Variants in OR1C1 observed in about 807,000 individuals in gnomAD.
The protein encoded by OR1C1 is olfactory receptor family 1 subfamily C member 1.
For synonymous variants in OR1C1, 153 were observed against 154.6 expected (o/e 0.99, Z 0.08); for missense variants, 407 against 384.3 (o/e 1.06, Z -0.49).
rs377589724 is a variant in OR1C1, at chr1:247,757,618, T to C, written c.789A>G (p.Ser263=). The C allele has an allele frequency of 1.1e-5, 18 of 1,613,870 alleles. No individual in the cohort carries two copies. Among genetic ancestry groups the C allele is most frequent in the Non-Finnish European group, 1.5e-5 (18 of 1,180,004 alleles). ...GTAIAVYFSP[S]SPHMPESDTL... ...TGTCGCTCTCAGGCATATGGGGGGA[T>C]GAAGGGCTGAAATAGACGGCGATGG... is the stretch of plus-strand genomic sequence containing the variant. The change falls in exon 2 of 2, where the codon TCA becomes TCG. Residue 263 remains serine (S), a synonymous_variant. Transcript: ENST00000641256.
chr1:247,758,059 A>G lies in OR1C1; in HGVS notation c.348T>C (p.Cys116=). 6.2e-7 allele frequency: 1 copy of G among 1,614,128 alleles called. No homozygotes were observed. Among genetic ancestry groups the G allele is most frequent in the Non-Finnish European group, 8.5e-7 (1 of 1,180,016 alleles). Residue 116 remains cysteine, a synonymous_variant, in exon 2 of 2, where the codon TGT becomes TGC. Coordinates refer to ENST00000641256, the MANE Select transcript of OR1C1 (RefSeq NM_012353.3). ...CCACATATCTATCATACGCCATCAC[A>G]CACAGAAGGAGGCTGTCCATATTCA... ...SFVNMDSLLL[C]VMAYDRYVAI...
chr1:247,760,357 T>C (rs1661309404), intron 1 of OR1C1, 55 bp downstream of exon 1: 1 of 152,116 alleles, frequency 6.6e-6, no homozygotes, highest in African/African-American at 2.4e-5. Context: ...ACTCAAAGGA[T>C]TATACATTAG....
At position 247,757,868 on chromosome 1, in the gene OR1C1, T is replaced by G; in HGVS notation, c.539A>C (p.Asp180Ala). The G allele has an allele frequency of 6.2e-7, 1 of 1,613,722 alleles. No individual in the cohort carries two copies. The highest frequency in any genetic ancestry group is 1.1e-5 in the South Asian group (1 of 91,048). Residue 180 changes from aspartate (D) to alanine (A), a missense_variant, in exon 2 of 2, where the codon GAT (aspartate) becomes GCT (alanine). Transcript: ENST00000641256. ...ASNIIHHFFC[D>A]LNPLLQLSCS... is the part of the protein sequence containing the mutation. ...AGAGAGCTGCAGGAGAGGATTGAGATCACAGAAGAAATGATGGATGATATT... is the reference window on the plus strand; with the variant it reads ...AGAGAGCTGCAGGAGAGGATTGAGAGCACAGAAGAAATGATGGATGATATT...
intron 1 of OR1C1, among the ~76,000 whole-genome samples, chr1:247,759,813 C>G (rs1661297510): frequency 6.6e-6 from 1 of 152,122 alleles, no homozygotes; most frequent in African/African-American, 2.4e-5. Flanking sequence ...TTCCATGCAC[C>G]CCCTTTTACC....
intron 1 of OR1C1, 97 bp from the exon 2 acceptor site, chr1:247,758,516 G>GCA: frequency 3.0e-6 from 2 of 670,386 alleles, no homozygotes; most frequent in Admixed American, 5.5e-5. Flanking sequence ...GTGTGTGTGT[G>GCA]TGCATGCGTG....
Position 247,757,253 on chromosome 1 carries a change from A to C in OR1C1, c.*209T>G. 1.9e-6 allele frequency: 1 copy of C among 529,560 alleles called. No individual in the cohort carries two copies. Among genetic ancestry groups the C allele is most frequent in the African/African-American group, 1.9e-5 (1 of 52,956 alleles). 32.8% of individuals were successfully genotyped at this position (529,560 alleles called of 1,614,324 possible). ...ATGCAGACTATTTAACTTCCCTAAG[A>C]TTCACTTTCTGTATAAAGAATGCTA... On this transcript the variant is annotated 3_prime_UTR_variant, in exon 2 of 2. Coordinates refer to ENST00000641256, the MANE Select transcript of OR1C1 (RefSeq NM_012353.3).
rs752852721 is a variant in OR1C1, at chr1:247,758,338, C to G, written c.69G>C (p.Gln23His). ...GAAAGAGCACAGACAGGAGGTGCTG[C>G]TGCTCTGCTGAGCTAGGAAGTCCCA... ...VLLGLPSSAEQQHLLSVLFLC... is the reference protein window; with the variant it reads ...VLLGLPSSAEHQHLLSVLFLC... Residue 23 changes from glutamine to histidine, a missense_variant, in exon 2 of 2, where the codon CAG (glutamine) becomes CAC (histidine). Physicochemically the swap from Gln to His is conservative, Grantham distance 24. Transcript: ENST00000641256. The G allele has an allele frequency of 6.2e-7, 1 of 1,613,390 alleles. No homozygotes were observed. The highest frequency in any genetic ancestry group is 8.5e-7 in the Non-Finnish European group (1 of 1,179,442).
Position 247,755,775 on chromosome 1 carries a change from C to T in OR1C1, c.*1687G>A, listed in dbSNP as rs1042108573. 6.6e-6 allele frequency: 1 copy of T among 152,088 alleles called. No individual in the cohort carries two copies. Among genetic ancestry groups the T allele is most frequent in the Non-Finnish European group, 1.5e-5 (1 of 68,036 alleles). The allele number at this position is 152,088 out of a possible 1,614,324, so 9.4% of individuals were successfully genotyped here. ...TTTACTCAAAAAATTAAAAATAGAACTACTGTACGATCCAGCAATCACTAT... is the reference window on the plus strand; with the variant it reads ...TTTACTCAAAAAATTAAAAATAGAATTACTGTACGATCCAGCAATCACTAT... On this transcript the variant is annotated 3_prime_UTR_variant, in exon 2 of 2. Transcript: ENST00000641256.
rs1005045447 is a variant in OR1C1 at position 247,755,305 on chromosome 1, A to T, written c.*2157T>A. The T allele has an allele frequency of 4.6e-5, 7 of 152,178 alleles. No individual in the cohort carries two copies. Among genetic ancestry groups the T allele is most frequent in the African/African-American group, 1.4e-4 (6 of 41,446 alleles). The allele number at this position is 152,178 out of a possible 1,614,324, so 9.4% of individuals were successfully genotyped here. A position where few individuals can be genotyped will look rare whatever the true frequency, so the allele number is the denominator to read the frequency against. On this transcript the variant is annotated 3_prime_UTR_variant, in exon 2 of 2. Coordinates refer to ENST00000641256, the MANE Select transcript of OR1C1 (RefSeq NM_012353.3). Reference sequence around the variant, plus strand: ...ACAATTGACAAAACTAAAATTAACAAGCGCTAGTAAATTAAACTAAAAGTC... The same window carrying T: ...ACAATTGACAAAACTAAAATTAACATGCGCTAGTAAATTAAACTAAAAGTC...
In OR1C1 at chr1:247,760,393, A is replaced by T. The variant is rs1412451545; in HGVS notation, c.-14+19T>A. The T allele has an allele frequency of 6.6e-6, 1 of 152,172 alleles. No homozygotes were observed. Among genetic ancestry groups the T allele is most frequent in the Non-Finnish European group, 1.5e-5 (1 of 68,014 alleles). The allele number at this position is 152,172 out of a possible 1,614,324, so 9.4% of individuals were successfully genotyped here. Reference sequence around the variant, plus strand: ...GTATGTCTTCACTAAAACAAAGAAAAAAATGTATGAATACATACCCTTTTC... The same window carrying T: ...GTATGTCTTCACTAAAACAAAGAAATAAATGTATGAATACATACCCTTTTC... On this transcript the variant is annotated intron_variant, in intron 1 of 1. Transcript: ENST00000641256.
At position 247,758,376 on chromosome 1, in the gene OR1C1, C is replaced by CCCTGACAACT; in HGVS notation, c.21_30dup (p.Glu11SerfsTer12). 6.2e-7 allele frequency: 1 copy of CCCTGACAACT among 1,610,476 alleles called. No homozygotes were observed. The highest frequency in any genetic ancestry group is 8.5e-7 in the Non-Finnish European group (1 of 1,177,658). On this transcript the variant is annotated frameshift_variant, in exon 2 of 2. Transcript: ENST00000641256. LOFTEE classifies it low-confidence loss of function (END_TRUNC). ...CTAGGAAGTCCCAGAAGGACGAATTCCCTGACAACTGTTAGATTTCTTTTT... is the reference window on the plus strand; with the variant it reads ...CTAGGAAGTCCCAGAAGGACGAATTCCCTGACAACTCCTGACAACTGTTAGATTTCTTTTT...
At position 247,757,799 on chromosome 1, in the gene OR1C1, C is replaced by T. The variant is rs145971600; in HGVS notation, c.608G>A (p.Gly203Glu). The change falls in exon 2 of 2, where the codon GGA (glycine) becomes GAA (glutamate). Residue 203 changes from glycine (G) to glutamate (E), a missense_variant. Physicochemically the swap from Gly to Glu is moderately conservative, Grantham distance 98. Transcript: ENST00000641256. ...SFNVMIIFAVGGLLALTPLVC... is the reference protein window; with the variant it reads ...SFNVMIIFAVEGLLALTPLVC... ...AAGGGGCGTGAGAGCCAATAGACCT[C>T]CTACTGCAAAAATGATCATTACATT... The T allele has an allele frequency of 2.5e-6, 4 of 1,613,874 alleles. No homozygotes were observed. The highest frequency in any genetic ancestry group is 2.7e-5 in the African/African-American group (2 of 75,002).
chr1:247,757,553 A>G lies in OR1C1; in HGVS notation c.854T>C (p.Leu285Pro). The G allele has an allele frequency of 6.2e-7, 1 of 1,614,084 alleles. No individual in the cohort carries two copies. The highest frequency in any genetic ancestry group is 8.5e-7 in the Non-Finnish European group (1 of 1,180,014). ...TIMYSMVAPM[L>P]NPFIYTLRNR... ...CCTTAGGGTATAGATGAAAGGATTCAGCATCGGAGCCACCATTGAATACAT... is the reference window on the plus strand; with the variant it reads ...CCTTAGGGTATAGATGAAAGGATTCGGCATCGGAGCCACCATTGAATACAT... The change falls in exon 2 of 2, where the codon CTG (leucine) becomes CCG (proline). Residue 285 changes from leucine (L) to proline (P), a missense_variant. Coordinates refer to ENST00000641256, the MANE Select transcript of OR1C1 (RefSeq NM_012353.3).
Position 247,760,468 on chromosome 1 carries a change from A to G in OR1C1, c.-70T>C, listed in dbSNP as rs2103237095. ...TTCTCTTTCCTGAATATCCAATCAC[A>G]AAAGCATAGATGGACCTATGCATTG... On this transcript the variant is annotated 5_prime_UTR_variant, in exon 1 of 2. Coordinates refer to ENST00000641256, the MANE Select transcript of OR1C1 (RefSeq NM_012353.3). 1 of 152,310 alleles carries G rather than the reference A, an allele frequency of 6.6e-6. No homozygotes were observed. The highest frequency in any genetic ancestry group is 2.4e-5 in the African/African-American group (1 of 41,584). 9.4% of individuals were successfully genotyped at this position (152,310 alleles called of 1,614,324 possible).
Position 247,757,181 on chromosome 1 carries a change from G to C in OR1C1, c.*281C>G. The C allele has an allele frequency of 3.8e-6, 1 of 260,826 alleles. No homozygotes were observed. Among genetic ancestry groups the C allele is most frequent in the Non-Finnish European group, 7.0e-6 (1 of 142,688 alleles). 16.2% of individuals were successfully genotyped at this position (260,826 alleles called of 1,614,324 possible). A position where few individuals can be genotyped will look rare whatever the true frequency, so the allele number is the denominator to read the frequency against. ...ATATCACAGAGATTCTCATCACTAA[G>C]GTATATTTGTACTGGAGTCAGAAAC... is the stretch of plus-strand genomic sequence containing the variant. On this transcript the variant is annotated 3_prime_UTR_variant, in exon 2 of 2. Transcript: ENST00000641256.
rs1661185594 is a variant in OR1C1 at position 247,754,996 on chromosome 1, T to C, written c.*2466A>G. ...TGGTACTGGCATAAAAATAGACACA[T>C]AGAAATAAATTGATACATTCATGGT... is the stretch of plus-strand genomic sequence containing the variant. On this transcript the variant is annotated 3_prime_UTR_variant, in exon 2 of 2. Transcript: ENST00000641256. 6.6e-6 allele frequency: 1 copy of C among 152,080 alleles called. No homozygotes were observed. The highest frequency in any genetic ancestry group is 2.1e-4 in the South Asian group (1 of 4,828). The allele number at this position is 152,080 out of a possible 1,614,324, so 9.4% of individuals were successfully genotyped here.
Position 247,757,756 on chromosome 1 carries a change from A to G in OR1C1, c.651T>C (p.Ser217=). 6.2e-7 allele frequency: 1 copy of G among 1,614,052 alleles called. No homozygotes were observed. The part of the protein sequence containing the change: ...ALTPLVCILV[S]YGLIFSTVLK... Reference sequence around the variant, plus strand: ...GAACAGTGGAGAAGATAAGTCCATAAGATACGAGGATACAGACAAGGGGCG... The same window carrying G: ...GAACAGTGGAGAAGATAAGTCCATAGGATACGAGGATACAGACAAGGGGCG... The change falls in exon 2 of 2, where the codon TCT becomes TCC. Residue 217 remains serine, a synonymous_variant. Coordinates refer to ENST00000641256, the MANE Select transcript of OR1C1 (RefSeq NM_012353.3).
chr1:247,755,917 T>C lies in OR1C1; in HGVS notation c.*1545A>G, dbSNP rs1408631716. The C allele has an allele frequency of 6.6e-6, 1 of 152,202 alleles. No individual in the cohort carries two copies. The highest frequency in any genetic ancestry group is 1.5e-5 in the Non-Finnish European group (1 of 68,060). The allele number at this position is 152,202 out of a possible 1,614,324, so 9.4% of individuals were successfully genotyped here. ...GGGATATTTGAAAGCCTAACATGGATGGTCTCTAAACCCTAGCAGTGTCCT... is the reference window on the plus strand; with the variant it reads ...GGGATATTTGAAAGCCTAACATGGACGGTCTCTAAACCCTAGCAGTGTCCT... On this transcript the variant is annotated 3_prime_UTR_variant, in exon 2 of 2. Coordinates refer to ENST00000641256, the MANE Select transcript of OR1C1 (RefSeq NM_012353.3).
At position 247,758,411 on chromosome 1, in the gene OR1C1, C is replaced by G; in HGVS notation, c.-5G>C. On this transcript the variant is annotated 5_prime_UTR_variant, in exon 2 of 2. Transcript: ENST00000641256. Reference sequence around the variant, plus strand: ...TGTTAGATTTCTTTTTTCCATATTCCCAACAAATCTAGAAAAATAAGTTAT... The same window carrying G: ...TGTTAGATTTCTTTTTTCCATATTCGCAACAAATCTAGAAAAATAAGTTAT... 6.4e-7 allele frequency: 1 copy of G among 1,558,036 alleles called. No homozygotes were observed. Among genetic ancestry groups the G allele is most frequent in the Non-Finnish European group, 8.8e-7 (1 of 1,136,154 alleles).
Sources: allele counts gnomAD v4.1 joint callset (sites outside exome capture counted in the v4.1 genomes callset), GRCh38; gene constraint gnomAD v4.1.1; transcripts MANE v1.5; gene names NCBI Gene and HGNC (gene_info 2026-07-23, HGNC 2026-07-21).